The following CHD1 variants were observed in gnomAD, a reference collection of about 807,000 sequenced individuals.
The protein encoded by CHD1 is chromodomain helicase DNA binding protein 1, also known as ATP-dependent chromatin remodeler CHD1.
In CHD1, 36 loss-of-function variants were observed where a neutral mutation model predicts 224.2. That is an observed-to-expected ratio of 0.16 (90% CI 0.12 to 0.21). The LOEUF is 0.21. Among genes scored for constraint, CHD1 ranks in the 10% least tolerant of loss-of-function variants. The pLI is 1.00. For missense variants in CHD1, 1,378 were observed against 1,994.8 expected (o/e 0.69, Z 5.89); for synonymous variants, 668 against 658.3 (o/e 1.01, Z -0.23).
intron 18 of CHD1, among the ~76,000 whole-genome samples, chr5:98,884,340 C>A (rs960174950): frequency 6.6e-6 from 1 of 152,098 alleles, no homozygotes; most frequent in African/African-American, 2.4e-5. Context: ...TCCCAAAGTG[C>A]TGGGATTACA....
chr5:98,869,622 G>A (rs459774), intron 30 of CHD1, 132 bp downstream of exon 30: 45,376 of 716,260 alleles, frequency 0.063, 2,114 homozygotes, highest in African/African-American at 0.24. Context: ...ACGTGCGCGC[G>A]CACACACACA....
intron 2 of CHD1, among the ~76,000 whole-genome samples, chr5:98,918,206 C>G (rs113446541): frequency 2.6e-5 from 4 of 151,624 alleles, no homozygotes; most frequent in African/African-American, 9.7e-5. Flanking sequence ...CACAGGTGCC[C>G]GCCAACACGC....
chr5:98,889,806 T>G (rs987357589), intron 15 of CHD1: 1 of 152,140 alleles, frequency 6.6e-6, no homozygotes, highest in African/African-American at 2.4e-5. Flanking sequence ...AAGGATGACA[T>G]GCAAATCCAT....
chr5:98,892,849 A>T, intron 14 of CHD1, 136 bp from the exon 15 acceptor site: 1 of 496,108 alleles, frequency 2.0e-6, no homozygotes, highest in Non-Finnish European at 3.5e-6. Flanking sequence ...AGCTAAACTT[A>T]GTTACCTCTA....
chr5:98,881,940 C>G, intron 20 of CHD1, 35 bp downstream of exon 20: 1 of 1,591,864 alleles, frequency 6.3e-7, no homozygotes, highest in East Asian at 2.2e-5. Context: ...TTTACTGACT[C>G]TAAAATGACA....
chr5:98,927,808 C>A (rs1230947998), intron 1 of CHD1, among the ~76,000 whole-genome samples: 1 of 152,146 alleles, frequency 6.6e-6, no homozygotes, highest in Non-Finnish European at 1.5e-5. Flanking sequence ...ATTTTAACTT[C>A]CTTTCCCCTC....
chr5:98,896,539 A>C, intron 11 of CHD1, 97 bp from the exon 12 acceptor site: 1 of 762,080 alleles, frequency 1.3e-6, no homozygotes, highest in Non-Finnish European at 2.1e-6. Context: ...AAGTTAAATA[A>C]AATTGATAGG....
chr5:98,855,285 CA>C lies in CHD1; in HGVS notation c.*1094del. 1 of 152,514 alleles carries C rather than the reference CA, an allele frequency of 6.6e-6. No homozygotes were observed. 9.4% of individuals were successfully genotyped at this position (152,514 alleles called of 1,614,324 possible). ...CATTGTAACAGTTTATATTAAAAGT[CA>C]ATCAAGTTTATCTAAAATGTTAACC... is the stretch of plus-strand genomic sequence containing the variant. On this transcript the variant is annotated 3_prime_UTR_variant, in exon 36 of 36. Coordinates refer to ENST00000614616, the MANE Select transcript of CHD1 (RefSeq NM_001270.4).
chr5:98,883,041 AAAG>A (rs1750309810), intron 19 of CHD1, 44 bp downstream of exon 19: 18 of 1,216,852 alleles, frequency 1.5e-5, no homozygotes, highest in South Asian at 2.4e-5. Context: ...AAAAAAAAAA[AAAG>A]AATTCTAAAA....
intron 2 of CHD1, among the ~76,000 whole-genome samples, chr5:98,911,132 A>AG (rs1403778263): frequency 8.2e-5 from 3 of 36,754 alleles, no homozygotes; most frequent in African/African-American, 2.8e-4. Flanking sequence ...GCTAAAATGA[A>AG]AAAAAAAAAA....
At chr5:98,862,070 T>G (rs942561046) in intron 32 of CHD1, among the ~76,000 whole-genome samples, 1 of 152,006 alleles carries the variant, frequency 6.6e-6, no homozygotes. Flanking sequence ...GGTGGAAGGA[T>G]AGCTTGAGCC....
At chr5:98,856,761 T>G in intron 35 of CHD1, 36 bp from the exon 36 acceptor site, 1 of 1,306,980 alleles carries the variant, frequency 7.7e-7, no homozygotes, top group Admixed American at 2.2e-5. Context: ...AGACAAATCA[T>G]GCAAATTAAA....
chr5:98,892,412 T>A (rs1751083082), intron 15 of CHD1, 113 bp downstream of exon 15: 1 of 644,020 alleles, frequency 1.6e-6, no homozygotes, highest in Admixed American at 2.7e-5. Flanking sequence ...ACTCGAGAAT[T>A]GCAACTGCTC....
At chr5:98,903,630 A>T (rs1270567723) in intron 4 of CHD1, among the ~76,000 whole-genome samples, 162 bp downstream of exon 4, 1 of 152,246 alleles carries the variant, frequency 6.6e-6, no homozygotes, top group Admixed American at 6.5e-5. Flanking sequence ...GAATTACTGG[A>T]TAATGCAAAA....
intron 2 of CHD1, among the ~76,000 whole-genome samples, chr5:98,907,396 C>A (rs1470630346): frequency 6.6e-6 from 1 of 152,040 alleles, no homozygotes; most frequent in Non-Finnish European, 1.5e-5. Context: ...CGAGACCAGT[C>A]TGACCAACAT....
At chr5:98,876,317 T>C in intron 24 of CHD1, 81 bp downstream of exon 24, 2 of 1,404,836 alleles carry the variant, frequency 1.4e-6, no homozygotes, top group Non-Finnish European at 2.0e-6. Context: ...CATCACAATT[T>C]TTGAAAATTA....
intron 7 of CHD1, 90 bp from the exon 8 acceptor site, chr5:98,899,795 A>G: frequency 1.2e-6 from 1 of 821,126 alleles, no homozygotes. Context: ...TGAGTACAAA[A>G]ATATATACTC....
intron 29 of CHD1, among the ~76,000 whole-genome samples, 166 bp from the exon 30 acceptor site, chr5:98,870,048 G>A (rs543712472): frequency 6.6e-5 from 10 of 152,046 alleles, no homozygotes; most frequent in Non-Finnish European, 1.3e-4. Context: ...ATAACTTAAT[G>A]AGTCAAATAT....
chr5:98,918,001 T>C (rs1277298729), intron 2 of CHD1, among the ~76,000 whole-genome samples: 1 of 152,160 alleles, frequency 6.6e-6, no homozygotes, highest in Admixed American at 6.5e-5. Context: ...TTGGCAGTGT[T>C]TTTTCTGCTA....
Sources: allele counts gnomAD v4.1 joint callset (sites outside exome capture counted in the v4.1 genomes callset), GRCh38; gene constraint gnomAD v4.1.1; transcripts MANE v1.5; gene names NCBI Gene and HGNC (gene_info 2026-07-23, HGNC 2026-07-21).